EPB41: variants seen among roughly 807,000 people sequenced by gnomAD.
EPB41 encodes the protein protein 4.1.
Under a neutral mutation model 108.0 loss-of-function variants are expected in EPB41, and 65 were observed. The observed-to-expected ratio is 0.60, with a 90% confidence interval of 0.49 to 0.74. The LOEUF (loss-of-function observed/expected upper bound fraction) is 0.74. Ranked by LOEUF, EPB41 falls within the 30% of genes least tolerant of loss-of-function variation. EPB41 has a pLI of 0.00. For missense variants in EPB41, 875 were observed against 1,037.0 expected (o/e 0.84, Z 2.15); for synonymous variants, 336 against 358.9 (o/e 0.94, Z 0.72).
chr1:28,998,894 A>T (rs1193825587), intron 4 of EPB41, among the ~76,000 whole-genome samples: 1 of 152,224 alleles, frequency 6.6e-6, no homozygotes, highest in South Asian at 2.1e-4. Context: ...AAAAATCATA[A>T]CATCACTTTC....
At chr1:28,957,744 T>C (rs1412580527) in intron 1 of EPB41, among the ~76,000 whole-genome samples, 1 of 152,128 alleles carries the variant, frequency 6.6e-6, no homozygotes, top group African/African-American at 2.4e-5. Context: ...TTTTTAAGAA[T>C]TGGTCTTTAA....
At chr1:29,063,078 C>T (rs536792941) in intron 15 of EPB41, among the ~76,000 whole-genome samples, 1 of 152,292 alleles carries the variant, frequency 6.6e-6, no homozygotes, top group African/African-American at 2.4e-5. Context: ...ACCTTTAACC[C>T]TCCCAAATGT....
intron 1 of EPB41, among the ~76,000 whole-genome samples, chr1:28,949,610 T>A (rs538013122): frequency 5.7e-4 from 87 of 151,982 alleles, no homozygotes; most frequent in South Asian, 2.5e-3. Flanking sequence ...TTATTTATTT[T>A]TATTTTTTTT....
chr1:29,085,713 G>A (rs1658585810), intron 16 of EPB41, among the ~76,000 whole-genome samples: 1 of 151,906 alleles, frequency 6.6e-6, no homozygotes, highest in East Asian at 1.9e-4. Context: ...ACCACACCTG[G>A]CTAATTTTTT....
intron 1 of EPB41, among the ~76,000 whole-genome samples, chr1:28,980,563 TTTAA>T (rs1053977016): frequency 6.6e-6 from 1 of 151,312 alleles, no homozygotes; most frequent in Non-Finnish European, 1.5e-5. Context: ...TTTTTTTTTT[TTTAA>T]TTAGCTGGGC....
At chr1:28,999,059 A>C (rs923781224) in intron 4 of EPB41, among the ~76,000 whole-genome samples, 2 of 152,218 alleles carry the variant, frequency 1.3e-5, no homozygotes, top group Non-Finnish European at 2.9e-5. Flanking sequence ...ACTTTCTACA[A>C]CTGTGAGCTA....
At chr1:28,938,592 G>A (rs1035367433) in intron 1 of EPB41, among the ~76,000 whole-genome samples, 3 of 150,268 alleles carry the variant, frequency 2.0e-5, no homozygotes, top group Non-Finnish European at 2.9e-5. Flanking sequence ...GAGTGCAGTA[G>A]TGCGATTTTT....
chr1:28,920,607 A>G (rs942802167), intron 1 of EPB41, among the ~76,000 whole-genome samples: 2 of 152,186 alleles, frequency 1.3e-5, no homozygotes, highest in East Asian at 1.9e-4. Context: ...ATTTAACTAT[A>G]TTAGAGCACA....
In EPB41 at chr1:29,018,436, C is replaced by A; in HGVS notation, c.1118C>A (p.Ser373Ter). Reference protein sequence around the residue: ...LEEKVMELHKSYRSMTPAQAD... With the variant: ...LEEKVMELHK ...GAGAAGGTCATGGAACTGCATAAGT[C>A]ATACAGGTGAATATGTCTCCAGGGT... Residue 373 changes from serine (S) to a stop codon, truncating the protein, a stop_gained, in exon 7 of 21, where the codon TCA (serine) becomes TAA (stop). Coordinates refer to ENST00000343067, the MANE Select transcript of EPB41 (RefSeq NM_001376013.1). LOFTEE classifies it high-confidence loss of function. The surrounding 1 kb of genome is among the most constrained non-coding windows in gnomAD (Gnocchi z 4.4). The A allele has an allele frequency of 6.2e-7, 1 of 1,613,892 alleles. No homozygotes were observed. Among genetic ancestry groups the A allele is most frequent in the South Asian group, 1.1e-5 (1 of 91,058 alleles).
intron 16 of EPB41, among the ~76,000 whole-genome samples, chr1:29,092,234 A>C (rs1242142848): frequency 6.6e-6 from 1 of 151,166 alleles, no homozygotes; most frequent in Non-Finnish European, 1.5e-5. Flanking sequence ...AGTAGCTGGG[A>C]TTACAGGCAT....
At chr1:28,993,883 C>T (rs1002494181) in intron 3 of EPB41, among the ~76,000 whole-genome samples, 19 of 151,882 alleles carry the variant, frequency 1.3e-4, no homozygotes, top group African/African-American at 4.4e-4. Context: ...TCTTGAAGTC[C>T]GGGCCTCAAG....
At chr1:28,908,988 C>T (rs945711532) in intron 1 of EPB41, among the ~76,000 whole-genome samples, 1 of 150,300 alleles carries the variant, frequency 6.7e-6, no homozygotes, top group Non-Finnish European at 1.5e-5. Context: ...CATGTCTCTA[C>T]TAAAAATACA....
intron 1 of EPB41, among the ~76,000 whole-genome samples, chr1:28,939,226 A>T (rs930725996): frequency 2.0e-5 from 3 of 151,966 alleles, no homozygotes; most frequent in African/African-American, 7.2e-5. Context: ...GGTATTTTCA[A>T]ATGCTTTTTT....
intron 16 of EPB41, among the ~76,000 whole-genome samples, chr1:29,066,439 A>T (rs1012348458): frequency 2.0e-5 from 3 of 152,170 alleles, no homozygotes; most frequent in Admixed American, 2.0e-4. Context: ...AAAAAAAAGA[A>T]ATCCTACATC....
chr1:28,982,136 C>G (rs1177028254), intron 1 of EPB41: 6 of 311,136 alleles, frequency 1.9e-5, no homozygotes, highest in Non-Finnish European at 3.8e-5. Context: ...TGAGTGAGAA[C>G]ATGCGGTGTT....
At chr1:28,927,997 A>G (rs879773002) in intron 1 of EPB41, among the ~76,000 whole-genome samples, 2 of 151,888 alleles carry the variant, frequency 1.3e-5, no homozygotes, top group Admixed American at 1.3e-4. Flanking sequence ...CTTTCTTTTA[A>G]TTTTCTGCCC....
chr1:28,922,297 CTT>C (rs1453018309), intron 1 of EPB41, among the ~76,000 whole-genome samples: 3 of 151,638 alleles, frequency 2.0e-5, no homozygotes. Context: ...TTTAGATAGT[CTT>C]GAGATAATTG....
intron 4 of EPB41, among the ~76,000 whole-genome samples, chr1:29,005,075 A>G (rs2096375687): frequency 2.0e-5 from 3 of 152,150 alleles, no homozygotes; most frequent in South Asian, 4.1e-4. Context: ...TTGCACTGCT[A>G]TAAAGAAATA....
intron 16 of EPB41, among the ~76,000 whole-genome samples, chr1:29,068,085 T>C (rs1649283552): frequency 6.6e-6 from 1 of 152,194 alleles, no homozygotes; most frequent in African/African-American, 2.4e-5. Context: ...AAAGCCTAAA[T>C]GAACAATTCT....
Sources: gnomAD v4.1 joint callset for allele counts (sites outside exome capture counted in the v4.1 genomes callset) on GRCh38, gnomAD v4.1.1 for gene constraint, Gnocchi (gnomAD v3.1) non-coding constraint, MANE v1.5 for transcripts, NCBI Gene and HGNC (gene_info 2026-07-23, HGNC 2026-07-21) for gene names.